IFTAP: variants seen among roughly 807,000 people sequenced by gnomAD.
The protein encoded by IFTAP is intraflagellar transport-associated protein.
In IFTAP, 19 loss-of-function variants were observed where a neutral mutation model predicts 19.4. That is an observed-to-expected ratio of 0.98 (90% CI 0.68 to 1.44). The LOEUF is 1.44. Among genes scored for constraint, IFTAP ranks in the 40% most tolerant of loss-of-function variants. The pLI, the probability that IFTAP is intolerant of heterozygous loss-of-function variation, is 0.00. For synonymous variants in IFTAP, 85 were observed against 83.5 expected (o/e 1.02, Z -0.10); for missense variants, 240 against 253.6 (o/e 0.95, Z 0.36).
chr11:36,597,290 C>A (rs1296469040), intron 1 of IFTAP, among the ~76,000 whole-genome samples: 1 of 152,082 alleles, frequency 6.6e-6, no homozygotes, highest in Non-Finnish European at 1.5e-5. Flanking sequence ...ATTAGTCACA[C>A]CTTGGTTTTT....
At chr11:36,619,169 G>C (rs991944928) in intron 2 of IFTAP, among the ~76,000 whole-genome samples, 2 of 151,674 alleles carry the variant, frequency 1.3e-5, no homozygotes, top group African/African-American at 4.8e-5. Context: ...TTAGAATCTT[G>C]GGTTGGGATT....
At chr11:36,657,794 T>C (rs762628564) in intron 5 of IFTAP, among the ~76,000 whole-genome samples, 1 of 152,120 alleles carries the variant, frequency 6.6e-6, no homozygotes, top group Non-Finnish European at 1.5e-5. Context: ...TGACACATGG[T>C]GGAAACTCAC....
intron 2 of IFTAP, among the ~76,000 whole-genome samples, chr11:36,630,980 G>A (rs1201586841): frequency 6.6e-6 from 1 of 151,244 alleles, no homozygotes; most frequent in African/African-American, 2.5e-5. Flanking sequence ...TGCTACCAAT[G>A]CTGTTTGCCC....
chr11:36,648,099 A>T lies in IFTAP; in HGVS notation c.442A>T (p.Thr148Ser). The T allele has an allele frequency of 6.2e-7, 1 of 1,613,414 alleles. No individual in the cohort carries two copies. The highest frequency in any genetic ancestry group is 8.5e-7 in the Non-Finnish European group (1 of 1,179,576). ...SCIPFVAQPP[T>S]CEVKPKPSVK... ...TATCCCTTTTGTGGCCCAGCCTCCT[A>T]CCTGTGAAGTGAAGCCAAAGCCCAG... The change falls in exon 5 of 6, where the codon ACC becomes TCC. Residue 148 changes from threonine to serine, a missense_variant. Coordinates refer to ENST00000334307, the MANE Select transcript of IFTAP (RefSeq NM_138787.4).
chr11:36,658,966 T>G (rs1347151221), intron 5 of IFTAP, 53 bp from the exon 6 acceptor site: 1 of 1,342,504 alleles, frequency 7.4e-7, no homozygotes, highest in African/African-American at 1.5e-5. Flanking sequence ...TTCAACTTTA[T>G]CTTCATTTAC....
At chr11:36,649,782 C>T (rs1853634194) in intron 5 of IFTAP, among the ~76,000 whole-genome samples, 1 of 152,100 alleles carries the variant, frequency 6.6e-6, no homozygotes, top group African/African-American at 2.4e-5. Flanking sequence ...ACAACTTCTG[C>T]TGTTTTTTGA....
chr11:36,654,073 T>A (rs1213694657), intron 5 of IFTAP, among the ~76,000 whole-genome samples: 2 of 152,168 alleles, frequency 1.3e-5, no homozygotes, highest in Non-Finnish European at 1.5e-5. Context: ...TGTCTGTTCT[T>A]ATGTCTCTCT....
chr11:36,634,635 A>T (rs1232351773), intron 3 of IFTAP, among the ~76,000 whole-genome samples: 1 of 152,198 alleles, frequency 6.6e-6, no homozygotes, highest in Non-Finnish European at 1.5e-5. Flanking sequence ...GTGATGGATG[A>T]AGGCCAAAAA....
At chr11:36,616,152 C>T (rs1852078667) in intron 2 of IFTAP, among the ~76,000 whole-genome samples, 1 of 151,910 alleles carries the variant, frequency 6.6e-6, no homozygotes, top group African/African-American at 2.4e-5. Context: ...ATCTCTCTTT[C>T]TCTCTCTCAC....
At chr11:36,623,969 A>G (rs1274826083) in intron 2 of IFTAP, among the ~76,000 whole-genome samples, 1 of 151,460 alleles carries the variant, frequency 6.6e-6, no homozygotes, top group Non-Finnish European at 1.5e-5. Flanking sequence ...ATGTAAAATT[A>G]TATATATGTG....
intron 4 of IFTAP, among the ~76,000 whole-genome samples, chr11:36,639,675 A>T (rs1350815393): frequency 6.6e-6 from 1 of 152,172 alleles, no homozygotes; most frequent in Non-Finnish European, 1.5e-5. Flanking sequence ...GAACTCAGCG[A>T]AAACTCACTC....
intron 2 of IFTAP, among the ~76,000 whole-genome samples, chr11:36,617,107 A>T (rs920495154): frequency 1.3e-4 from 19 of 150,872 alleles, no homozygotes; most frequent in African/African-American, 4.1e-4. Context: ...TTTTATATTG[A>T]CTATATTTGA....
intron 5 of IFTAP, among the ~76,000 whole-genome samples, chr11:36,656,239 A>G (rs1853979020): frequency 6.6e-6 from 1 of 152,040 alleles, no homozygotes; most frequent in Non-Finnish European, 1.5e-5. Context: ...ATGTGTGGGG[A>G]GGCTAGTAGG....
chr11:36,600,169 T>C (rs1565002333), intron 1 of IFTAP, among the ~76,000 whole-genome samples: 1 of 152,240 alleles, frequency 6.6e-6, no homozygotes, highest in Non-Finnish European at 1.5e-5. Flanking sequence ...GTCCTCAGCA[T>C]TGAAACTAAA....
At chr11:36,656,872 A>AT (rs1854015341) in intron 5 of IFTAP, among the ~76,000 whole-genome samples, 1 of 152,042 alleles carries the variant, frequency 6.6e-6, no homozygotes, top group Admixed American at 6.6e-5. Context: ...TGTCACTGAG[A>AT]TTTTAACACA....
At chr11:36,599,627 A>G (rs1007447870) in intron 1 of IFTAP, among the ~76,000 whole-genome samples, 2 of 151,694 alleles carry the variant, frequency 1.3e-5, no homozygotes, top group African/African-American at 2.4e-5. Flanking sequence ...ATTTTAGTGT[A>G]TATTTTCAGG....
chr11:36,617,948 G>T (rs930565558), intron 2 of IFTAP, among the ~76,000 whole-genome samples: 1 of 152,012 alleles, frequency 6.6e-6, no homozygotes, highest in Non-Finnish European at 1.5e-5. Context: ...ACTACTGATA[G>T]CAGCTAACAT....
intron 1 of IFTAP, among the ~76,000 whole-genome samples, chr11:36,604,705 T>C (rs1310935290): frequency 6.6e-6 from 1 of 152,140 alleles, no homozygotes; most frequent in Non-Finnish European, 1.5e-5. Context: ...TTAAAGTTCA[T>C]AATCATGAGC....
At chr11:36,614,851 T>G (rs2133390029) in intron 2 of IFTAP, among the ~76,000 whole-genome samples, 1 of 148,728 alleles carries the variant, frequency 6.7e-6, no homozygotes, top group East Asian at 1.9e-4. Context: ...TGCAAAAATG[T>G]TCTCCCATTT....
Sources: allele counts gnomAD v4.1 joint callset (sites outside exome capture counted in the v4.1 genomes callset), GRCh38; gene constraint gnomAD v4.1.1; transcripts MANE v1.5; gene names NCBI Gene and HGNC (gene_info 2026-07-23, HGNC 2026-07-21).